The following MTCL3 variants were observed in gnomAD, a reference collection of about 807,000 sequenced individuals.
The protein encoded by MTCL3 is MTCL family member 3, also known as microtubule cross-linking factor 3.
At chr6:127,513,006 T>G in the MTCL3 span, 1 of 1,611,916 alleles carries the variant, frequency 6.2e-7, no homozygotes, top group Non-Finnish European at 8.5e-7. Flanking sequence ...TTCTTCCACA[T>G]TTTCTAATTC....
chr6:127,512,807 T>A, the MTCL3 span: 1 of 1,336,094 alleles, frequency 7.5e-7, no homozygotes, highest in Non-Finnish European at 1.0e-6. Context: ...TAAAAGAAAT[T>A]TTTTAACAGT....
At chr6:127,515,756 T>C in the MTCL3 span, 2 of 1,600,816 alleles carry the variant, frequency 1.2e-6, no homozygotes, top group East Asian at 2.2e-5. This position sits in a 1 kb window ranked among gnomAD's most constrained non-coding sequence, Gnocchi z 4.3. Flanking sequence ...CTGCGGCTAC[T>C]GCTGCCGCCG....
the MTCL3 span, chr6:127,514,813 C>A: frequency 1.7e-5 from 28 of 1,604,998 alleles, no homozygotes; most frequent in East Asian, 6.0e-4. Flanking sequence ...TGAGCCCCCG[C>A]GCCGCAGACC....
chr6:127,515,759 TGCC>T, the MTCL3 span: 2 of 1,601,482 alleles, frequency 1.2e-6, no homozygotes, highest in East Asian at 4.5e-5. This position sits in a 1 kb window ranked among gnomAD's most constrained non-coding sequence, Gnocchi z 4.3. Context: ...CGGCTACTGC[TGCC>T]GCCGCCGTTC....
chr6:127,504,583 A>T, the MTCL3 span, among the ~76,000 whole-genome samples: 1 of 152,104 alleles, frequency 6.6e-6, no homozygotes, highest in African/African-American at 2.4e-5. Context: ...AGTGTCGTTT[A>T]TTACTGTCCC....
chr6:127,493,635 T>C, the MTCL3 span, among the ~76,000 whole-genome samples: 1 of 152,264 alleles, frequency 6.6e-6, no homozygotes, highest in East Asian at 1.9e-4. Flanking sequence ...CCTTTCTCCA[T>C]CCCATAAGGC....
the MTCL3 span, among the ~76,000 whole-genome samples, chr6:127,510,637 T>G: frequency 1.3e-5 from 2 of 152,218 alleles, no homozygotes; most frequent in East Asian, 3.8e-4. Context: ...GCATTTCTTT[T>G]TTATCTCTGG....
At chr6:127,488,985 T>A in the MTCL3 span, among the ~76,000 whole-genome samples, 1 of 152,236 alleles carries the variant, frequency 6.6e-6, no homozygotes, top group African/African-American at 2.4e-5. Flanking sequence ...TGAGCTTCAC[T>A]GTATTGTACT....
chr6:127,494,444 A>G, the MTCL3 span, among the ~76,000 whole-genome samples: 1 of 152,182 alleles, frequency 6.6e-6, no homozygotes, highest in African/African-American at 2.4e-5. Flanking sequence ...AGCACTGACA[A>G]AAAACTGTAA....
chr6:127,480,452 A>C, the MTCL3 span, among the ~76,000 whole-genome samples: 15 of 152,252 alleles, frequency 9.9e-5, no homozygotes, highest in African/African-American at 3.6e-4. Context: ...AGATCAAAGA[A>C]GCTGAAGCAA....
At chr6:127,488,243 A>G in the MTCL3 span, among the ~76,000 whole-genome samples, 1 of 152,310 alleles carries the variant, frequency 6.6e-6, no homozygotes, top group South Asian at 2.1e-4. Flanking sequence ...GTTCCTAATA[A>G]GAGAGACCTT....
At chr6:127,475,669 ACCT>A in the MTCL3 span, 1 of 1,586,812 alleles carries the variant, frequency 6.3e-7, no homozygotes, top group Non-Finnish European at 8.5e-7. This position sits in a 1 kb window ranked among gnomAD's most constrained non-coding sequence, Gnocchi z 7.3. Flanking sequence ...GATGTTGCGC[ACCT>A]CCTCCGAGTC....
chr6:127,500,299 TA>T, the MTCL3 span, among the ~76,000 whole-genome samples: 2 of 152,220 alleles, frequency 1.3e-5, no homozygotes, highest in African/African-American at 2.4e-5. Flanking sequence ...TAATAAGACA[TA>T]TTTTTTTGAC....
chr6:127,475,420 T>C, the MTCL3 span: 1 of 1,613,292 alleles, frequency 6.2e-7, no homozygotes, highest in Non-Finnish European at 8.5e-7. The surrounding 1 kb of genome is among the most constrained non-coding windows in gnomAD (Gnocchi z 7.3). Context: ...GTAGAGCAGC[T>C]CGTGCTCCCG....
the MTCL3 span, among the ~76,000 whole-genome samples, chr6:127,480,566 T>C: frequency 6.6e-6 from 1 of 152,344 alleles, no homozygotes; most frequent in South Asian, 2.1e-4. Flanking sequence ...CAATTTTGTG[T>C]GATTTCGCAT....
chr6:127,484,275 T>G, the MTCL3 span, among the ~76,000 whole-genome samples: 1 of 152,208 alleles, frequency 6.6e-6, no homozygotes, highest in Non-Finnish European at 1.5e-5. Context: ...AATACTTTGG[T>G]GCAACTGCTT....
the MTCL3 span, chr6:127,517,863 A>G: frequency 1.3e-5 from 2 of 152,216 alleles, no homozygotes. Flanking sequence ...ATTTCTGTCT[A>G]AAGCACTGAA....
the MTCL3 span, among the ~76,000 whole-genome samples, chr6:127,488,378 T>C: frequency 6.6e-6 from 1 of 152,206 alleles, no homozygotes; most frequent in Non-Finnish European, 1.5e-5. Flanking sequence ...AACTGACTTG[T>C]ATATTTGTTT....
the MTCL3 span, chr6:127,515,582 G>C: frequency 2.1e-5 from 30 of 1,440,328 alleles, no homozygotes; most frequent in Admixed American, 3.5e-4. This position sits in a 1 kb window ranked among gnomAD's most constrained non-coding sequence, Gnocchi z 4.3. Context: ...TCTTGGAGCT[G>C]CTGCGGGTGC....
Sources: gnomAD v4.1 joint callset for allele counts (sites outside exome capture counted in the v4.1 genomes callset) on GRCh38, gnomAD v4.1.1 for gene constraint, Gnocchi (gnomAD v3.1) non-coding constraint, MANE v1.5 for transcripts, NCBI Gene and HGNC (gene_info 2026-07-23, HGNC 2026-07-21) for gene names.